LOC128125817: variants seen among roughly 807,000 people sequenced by gnomAD.
chr1:41,594,758 C>A, the LOC128125817 span, among the ~76,000 whole-genome samples: 1 of 152,034 alleles, frequency 6.6e-6, no homozygotes, highest in Admixed American at 6.5e-5. Context: ...TAATTTTTCC[C>A]TTTATGACTT....
At chr1:41,597,237 G>A in the LOC128125817 span, among the ~76,000 whole-genome samples, 1 of 152,160 alleles carries the variant, frequency 6.6e-6, no homozygotes, top group Non-Finnish European at 1.5e-5. Context: ...GGATCCAGGT[G>A]AAACTGATAT....
chr1:41,605,410 CAT>C, the LOC128125817 span, among the ~76,000 whole-genome samples: 3 of 150,164 alleles, frequency 2.0e-5, no homozygotes, highest in South Asian at 2.1e-4. Context: ...CACACACATA[CAT>C]ATGTTAAAAA....
At chr1:41,606,958 A>T in the LOC128125817 span, among the ~76,000 whole-genome samples, 1 of 151,922 alleles carries the variant, frequency 6.6e-6, no homozygotes, top group East Asian at 1.9e-4. Context: ...TGATCTTTCT[A>T]GTTTAAAATC....
At chr1:41,614,846 C>T in the LOC128125817 span, among the ~76,000 whole-genome samples, 8 of 152,288 alleles carry the variant, frequency 5.3e-5, no homozygotes, top group East Asian at 1.4e-3. Context: ...TGGCCAGTTC[C>T]TCAGAAAAAA....
the LOC128125817 span, among the ~76,000 whole-genome samples, chr1:41,605,602 C>T: frequency 6.6e-6 from 1 of 151,600 alleles, no homozygotes; most frequent in African/African-American, 2.4e-5. Flanking sequence ...GAAACAGGTT[C>T]CCAGTACAGG....
the LOC128125817 span, among the ~76,000 whole-genome samples, chr1:41,604,336 A>G: frequency 6.6e-5 from 10 of 152,392 alleles, no homozygotes; most frequent in East Asian, 1.3e-3. Flanking sequence ...ACAATTATAC[A>G]TAGTAATAAA....
the LOC128125817 span, among the ~76,000 whole-genome samples, chr1:41,616,783 C>T: frequency 3.3e-5 from 5 of 152,080 alleles, no homozygotes; most frequent in African/African-American, 1.2e-4. Flanking sequence ...TGGTATCATC[C>T]TATGTACATT....
At chr1:41,627,024 C>T in the LOC128125817 span, among the ~76,000 whole-genome samples, 1 of 152,224 alleles carries the variant, frequency 6.6e-6, no homozygotes, top group East Asian at 1.9e-4. Context: ...AGGACTCGAA[C>T]CTGTCTGTAA....
the LOC128125817 span, among the ~76,000 whole-genome samples, chr1:41,609,290 C>T: frequency 6.6e-6 from 1 of 152,212 alleles, no homozygotes; most frequent in Non-Finnish European, 1.5e-5. Context: ...TTCTGATGTT[C>T]CTGAACCTGG....
the LOC128125817 span, among the ~76,000 whole-genome samples, chr1:41,615,815 C>CTTTT: frequency 4.4e-3 from 205 of 47,036 alleles, 8 homozygotes; most frequent in Non-Finnish European, 6.4e-3. Flanking sequence ...TTTGACAAGT[C>CTTTT]TTTTTTTTTT....
the LOC128125817 span, among the ~76,000 whole-genome samples, chr1:41,605,085 A>G: frequency 1.4e-5 from 2 of 142,340 alleles, no homozygotes; most frequent in Non-Finnish European, 3.1e-5. Context: ...AGTCTGGGTG[A>G]CAGAATGAGA....
the LOC128125817 span, among the ~76,000 whole-genome samples, chr1:41,624,901 C>T: frequency 6.6e-6 from 1 of 152,300 alleles, no homozygotes; most frequent in Non-Finnish European, 1.5e-5. Context: ...CGCGGTGGCT[C>T]ACGCCTGTAA....
chr1:41,601,436 T>G, the LOC128125817 span, among the ~76,000 whole-genome samples: 1 of 152,166 alleles, frequency 6.6e-6, no homozygotes, highest in Non-Finnish European at 1.5e-5. Flanking sequence ...TTATTAAATG[T>G]TTTGTAGTTT....
chr1:41,622,297 A>C, the LOC128125817 span, among the ~76,000 whole-genome samples: 1 of 152,144 alleles, frequency 6.6e-6, no homozygotes, highest in Non-Finnish European at 1.5e-5. Flanking sequence ...TGCCATGGGG[A>C]AGGGGCACTC....
chr1:41,611,104 T>C, the LOC128125817 span, among the ~76,000 whole-genome samples: 1 of 152,152 alleles, frequency 6.6e-6, no homozygotes, highest in African/African-American at 2.4e-5. Flanking sequence ...TTTGAGAAAA[T>C]TACTAGTGTA....
At chr1:41,608,814 G>A in the LOC128125817 span, among the ~76,000 whole-genome samples, 4 of 151,836 alleles carry the variant, frequency 2.6e-5, no homozygotes, top group South Asian at 6.2e-4. Flanking sequence ...GCTCACACCT[G>A]TAATCCCAGC....
the LOC128125817 span, among the ~76,000 whole-genome samples, chr1:41,597,688 G>A: frequency 6.6e-6 from 1 of 152,198 alleles, no homozygotes; most frequent in African/African-American, 2.4e-5. Context: ...AGAGGACACA[G>A]ATTTGAATCA....
chr1:41,601,769 G>A, the LOC128125817 span, among the ~76,000 whole-genome samples: 1 of 151,990 alleles, frequency 6.6e-6, no homozygotes, highest in Admixed American at 6.5e-5. Context: ...TTCCAGTACT[G>A]TCTTGAATAG....
At chr1:41,612,067 G>A in the LOC128125817 span, among the ~76,000 whole-genome samples, 16 of 140,588 alleles carry the variant, frequency 1.1e-4, no homozygotes, top group Non-Finnish European at 2.2e-4. Flanking sequence ...CACTCCTCCC[G>A]CCTCCCCACC....
Sources: allele counts gnomAD v4.1 joint callset (sites outside exome capture counted in the v4.1 genomes callset), GRCh38; gene constraint gnomAD v4.1.1; transcripts MANE v1.5.